Variants in C4orf51 observed in about 807,000 individuals in gnomAD.
C4orf51 encodes the protein chromosome 4 open reading frame 51, also known as uncharacterized protein C4orf51.
C4orf51 carries 25 observed loss-of-function variants against 25.2 expected under a neutral mutation model. That is an observed-to-expected ratio of 0.99 (90% confidence interval 0.72 to 1.39). The LOEUF is 1.39. Ranked by LOEUF, C4orf51 falls within the 40% of genes most tolerant of loss-of-function variation. The pLI, the probability that C4orf51 is intolerant of heterozygous loss-of-function variation, is 0.00. For synonymous variants in C4orf51, 100 were observed against 84.5 expected, an observed-to-expected ratio of 1.18 and a Z score of -1.01; for missense variants, 252 against 239.6, an observed-to-expected ratio of 1.05 and a Z score of -0.34.
chr4:145,782,951 C>T, the C4orf51 span, among the ~76,000 whole-genome samples: 1 of 152,342 alleles, frequency 6.6e-6, no homozygotes, highest in African/African-American at 2.4e-5. Flanking sequence ...CTTGGTGAAG[C>T]CCTGCCCAAT....
chr4:145,773,649 A>G (rs367870727), downstream of C4orf51, among the ~76,000 whole-genome samples: 5 of 152,384 alleles, frequency 3.3e-5, no homozygotes, highest in East Asian at 9.6e-4. Context: ...TGGTGAAGTC[A>G]GAATGTTAAC....
chr4:145,709,242 C>G (rs192404751), intron 2 of C4orf51, among the ~76,000 whole-genome samples: 3 of 152,152 alleles, frequency 2.0e-5, no homozygotes, highest in African/African-American at 7.2e-5. Flanking sequence ...GTATGTGAGG[C>G]TTTTAAAGGG....
intron 2 of C4orf51, among the ~76,000 whole-genome samples, chr4:145,698,879 C>T (rs111558980): frequency 1.3e-4 from 20 of 152,318 alleles, no homozygotes; most frequent in East Asian, 9.6e-4. Context: ...TGCACATATA[C>T]GCCCAGATGG....
At chr4:145,681,407 A>G (rs1280514078) in intron 1 of C4orf51, among the ~76,000 whole-genome samples, 2 of 152,214 alleles carry the variant, frequency 1.3e-5, no homozygotes, top group Admixed American at 6.5e-5. Context: ...GTACTTCTCA[A>G]TTGGGTGCCT....
rs1047546308 is a variant in C4orf51, at chr4:145,732,518, C to T, written c.567C>T (p.Tyr189=). ...CTGAGGATTCAGAAGCTGATCGATA[C>T]TCCGATTATGGCTGGGGAGGACCCT... ...CSSEDSEADR[Y]SDYGWGGPSS... Residue 189 remains tyrosine (Y), a synonymous_variant, in exon 6 of 6, where the codon TAC becomes TAT. Transcript: ENST00000438731. 6.2e-7 allele frequency: 1 copy of T among 1,611,230 alleles called. No individual in the cohort carries two copies. Among genetic ancestry groups the T allele is most frequent in the African/African-American group, 1.3e-5 (1 of 75,002 alleles).
downstream of C4orf51, among the ~76,000 whole-genome samples, chr4:145,734,054 G>T (rs1732662223): frequency 6.6e-6 from 1 of 152,200 alleles, no homozygotes; most frequent in Admixed American, 6.5e-5. Flanking sequence ...TTCTAAAAAT[G>T]AAGGCTAACA....
intron 1 of C4orf51, among the ~76,000 whole-genome samples, chr4:145,688,819 A>G: frequency 6.6e-6 from 1 of 152,244 alleles, no homozygotes; most frequent in East Asian, 1.9e-4. Flanking sequence ...AGAACTTGAC[A>G]CAATGATTCT....
rs1734776963 is a variant in C4orf51, at chr4:145,763,067, C to G, written n.167-7921C>G. On this transcript the variant is annotated intron_variant and non_coding_transcript_variant, in intron 1 of 1. Coordinates refer to the C4orf51 transcript ENST00000510096. This position sits in a 1 kb window ranked among gnomAD's most constrained non-coding sequence, Gnocchi z 4.6. ...TTCCCAGGTCAGGTGCACACACAAC[C>G]CCTACGCCAAGCTGGGCCTTACCTA... 5.9e-6 allele frequency: 9 copies of G among 1,535,278 alleles called. No homozygotes were observed. In the East Asian group the frequency reaches 2.2e-4, roughly 38 times the overall value.
chr4:145,729,591 A>G (rs550932131), intron 4 of C4orf51, among the ~76,000 whole-genome samples: 179 of 152,166 alleles, frequency 1.2e-3, no homozygotes, highest in South Asian at 3.7e-3. Context: ...GTGAGCCACC[A>G]TGCCCGGTCC....
intron 1 of C4orf51, among the ~76,000 whole-genome samples, chr4:145,768,783 A>G (rs1176816358): frequency 7.4e-6 from 1 of 134,378 alleles, no homozygotes; most frequent in African/African-American, 2.8e-5. Context: ...GCTTGAACCC[A>G]TGGAGGCGGA....
intron 1 of C4orf51, among the ~76,000 whole-genome samples, chr4:145,749,466 T>C (rs1019507013): frequency 3.3e-5 from 5 of 152,094 alleles, no homozygotes; most frequent in African/African-American, 1.2e-4. Flanking sequence ...TTTCTGGTTG[T>C]TTTGTGGTCT....
chr4:145,749,692 T>C (rs935535802), intron 1 of C4orf51, among the ~76,000 whole-genome samples: 10 of 152,152 alleles, frequency 6.6e-5, no homozygotes, highest in African/African-American at 1.7e-4. Flanking sequence ...TGGAGTGCAG[T>C]GGTGCAATCT....
chr4:145,771,465 AGC>A (rs1736270372), downstream of C4orf51, among the ~76,000 whole-genome samples: 1 of 152,256 alleles, frequency 6.6e-6, no homozygotes, highest in Non-Finnish European at 1.5e-5. Context: ...TTTTCCAAAT[AGC>A]CATTCAGATT....
At chr4:145,707,505 A>G (rs1361096421) in intron 2 of C4orf51, among the ~76,000 whole-genome samples, 1 of 152,208 alleles carries the variant, frequency 6.6e-6, no homozygotes, top group Non-Finnish European at 1.5e-5. Flanking sequence ...ACCACTGGGT[A>G]GGACGGTCCA....
intron 2 of C4orf51, among the ~76,000 whole-genome samples, chr4:145,719,967 A>C (rs1731640235): frequency 6.6e-6 from 1 of 152,154 alleles, no homozygotes; most frequent in African/African-American, 2.4e-5. Flanking sequence ...TTTCTTAGCA[A>C]TGTGAGTATC....
chr4:145,709,826 C>G (rs768058095), intron 2 of C4orf51, among the ~76,000 whole-genome samples: 3 of 152,110 alleles, frequency 2.0e-5, no homozygotes, highest in African/African-American at 4.8e-5. Context: ...GATGTGGGCC[C>G]GAAGGTCTTT....
chr4:145,705,953 A>G (rs1037211041), intron 2 of C4orf51, among the ~76,000 whole-genome samples: 2 of 152,172 alleles, frequency 1.3e-5, no homozygotes, highest in Non-Finnish European at 2.9e-5. Context: ...GCTGATTCCA[A>G]TATGTGCCCA....
At chr4:145,755,391 A>AT (rs1166593876), downstream of C4orf51, among the ~76,000 whole-genome samples, 1 of 152,224 alleles carries the variant, frequency 6.6e-6, no homozygotes, top group Non-Finnish European at 1.5e-5. Flanking sequence ...ATTGAAGCAG[A>AT]TTCTCTGCTC....
chr4:145,763,880 C>T lies in C4orf51; in HGVS notation n.167-7108C>T, dbSNP rs879785477. 3.2e-4 allele frequency among the ~76,000 whole-genome samples: 49 copies of T among 151,350 alleles called. 1 individual carries two copies. Among genetic ancestry groups the T allele is most frequent in the Middle Eastern group, 3.4e-3 (1 of 290 alleles). ...CCCTCCCCCTCCCCCAAGAGTGAAA[C>T]GAAATGGAGTTCAACGGAGGTCCTG... On this transcript the variant is annotated intron_variant and non_coding_transcript_variant, in intron 1 of 1. Transcript: ENST00000510096. This position sits in a 1 kb window ranked among gnomAD's most constrained non-coding sequence, Gnocchi z 4.6.
Sources: allele counts gnomAD v4.1 joint callset (sites outside exome capture counted in the v4.1 genomes callset), GRCh38; gene constraint gnomAD v4.1.1; non-coding constraint Gnocchi (gnomAD v3.1); transcripts MANE v1.5; gene names NCBI Gene and HGNC (gene_info 2026-07-23, HGNC 2026-07-21).